The following TTC6 variants were observed in gnomAD, a reference collection of about 807,000 sequenced individuals.
TTC6 encodes the protein tetratricopeptide repeat protein 6.
A neutral mutation model predicts 210.4 loss-of-function variants in TTC6; 172 were observed. That is an observed-to-expected ratio of 0.82 (90% CI 0.72 to 0.93). TTC6 has a LOEUF of 0.93. TTC6 is among the 40% of genes least tolerant of loss of function. TTC6 has a pLI of 0.00. For missense variants in TTC6, 2,414 were observed against 2,318.1 expected (o/e 1.04, Z -0.85); for synonymous variants, 804 against 819.6 (o/e 0.98, Z 0.32).
intron 1 of TTC6, among the ~76,000 whole-genome samples, chr14:37,596,970 T>G (rs972383523): frequency 6.6e-6 from 1 of 150,472 alleles, no homozygotes; most frequent in Admixed American, 6.6e-5. Flanking sequence ...GATGTGCAGT[T>G]AAGGAAATAA....
intron 10 of TTC6, among the ~76,000 whole-genome samples, chr14:37,741,989 C>T (rs1429490912): frequency 6.6e-6 from 1 of 152,076 alleles, no homozygotes; most frequent in African/African-American, 2.4e-5. Flanking sequence ...GCTGGCTGAC[C>T]CACAGTGACC....
intron 26 of TTC6, among the ~76,000 whole-genome samples, chr14:37,818,096 T>C (rs2096146562): frequency 6.6e-6 from 1 of 152,130 alleles, no homozygotes; most frequent in Admixed American, 6.6e-5. Context: ...TTTAAGATAA[T>C]TTTGCATTTA....
intron 24 of TTC6, among the ~76,000 whole-genome samples, chr14:37,811,412 A>G (rs1198050499): frequency 6.6e-6 from 1 of 152,182 alleles, no homozygotes; most frequent in Non-Finnish European, 1.5e-5. Flanking sequence ...TTGAGCACGC[A>G]ACATTAGGAA....
At chr14:37,634,515 C>A (rs534761857) in intron 1 of TTC6, among the ~76,000 whole-genome samples, 197 of 152,182 alleles carry the variant, frequency 1.3e-3, no homozygotes, top group Middle Eastern at 3.4e-3. Context: ...AACTTGGTGT[C>A]ATCATAGTCC....
intron 14 of TTC6, among the ~76,000 whole-genome samples, chr14:37,786,682 T>A (rs779105212): frequency 1.3e-5 from 2 of 152,176 alleles, no homozygotes; most frequent in African/African-American, 2.4e-5. Flanking sequence ...GGTACCTCAG[T>A]TGGAAATGCA....
intron 1 of TTC6, among the ~76,000 whole-genome samples, chr14:37,636,008 A>G (rs1595043624): frequency 6.6e-6 from 1 of 151,520 alleles, no homozygotes; most frequent in Admixed American, 6.6e-5. Flanking sequence ...AAAGAAAAAA[A>G]AAAGAAAATT....
chr14:37,720,051 A>T (rs1043823190), intron 6 of TTC6, among the ~76,000 whole-genome samples: 15 of 152,222 alleles, frequency 9.9e-5, no homozygotes, highest in Non-Finnish European at 2.2e-4. Context: ...ACATTTCACC[A>T]CATAGGATAT....
At chr14:37,760,816 A>G (rs1171124880) in intron 14 of TTC6, among the ~76,000 whole-genome samples, 1 of 152,172 alleles carries the variant, frequency 6.6e-6, no homozygotes, top group Admixed American at 6.5e-5. Context: ...TAGCACTATC[A>G]GGGGAAAACC....
chr14:37,761,378 G>A (rs2095984088), intron 14 of TTC6, among the ~76,000 whole-genome samples: 1 of 151,920 alleles, frequency 6.6e-6, no homozygotes, highest in East Asian at 2.0e-4. Flanking sequence ...AGTGGGAAAT[G>A]CAGAAATCAC....
At chr14:37,744,636 A>C (rs2095930564) in intron 10 of TTC6, among the ~76,000 whole-genome samples, 1 of 152,208 alleles carries the variant, frequency 6.6e-6, no homozygotes, top group Non-Finnish European at 1.5e-5. Flanking sequence ...CTTGCAGGCC[A>C]GAGTAAATTT....
intron 2 of TTC6, among the ~76,000 whole-genome samples, chr14:37,681,203 C>T (rs2095782752): frequency 6.6e-6 from 1 of 152,112 alleles, no homozygotes; most frequent in African/African-American, 2.4e-5. Context: ...GGGTAGCTGC[C>T]TCTAGTTGAC....
chr14:37,675,073 G>A (rs1366908128), intron 1 of TTC6, among the ~76,000 whole-genome samples: 4 of 151,704 alleles, frequency 2.6e-5, no homozygotes, highest in Non-Finnish European at 5.9e-5. Flanking sequence ...TTTACACTGA[G>A]GTGAATTCAT....
chr14:37,752,734 T>C (rs930783104), intron 13 of TTC6, among the ~76,000 whole-genome samples: 1 of 152,142 alleles, frequency 6.6e-6, no homozygotes, highest in Non-Finnish European at 1.5e-5. Flanking sequence ...TGAATCAGCC[T>C]TGATGTAGTC....
chr14:37,721,847 C>CATATATATATATATATATATATATATAT (rs35265224), intron 6 of TTC6, among the ~76,000 whole-genome samples: 4 of 117,264 alleles, frequency 3.4e-5, no homozygotes, highest in Non-Finnish European at 7.1e-5. Flanking sequence ...TGAGTTTCAC[C>CATATATATATATATATATATATATATAT]ATATATATAT....
chr14:37,756,278 A>G (rs934404258), intron 14 of TTC6, among the ~76,000 whole-genome samples: 3 of 152,176 alleles, frequency 2.0e-5, no homozygotes, highest in Non-Finnish European at 2.9e-5. Context: ...TAAATATACA[A>G]TCATGTCGTC....
intron 30 of TTC6, 48 bp downstream of exon 32, chr14:37,841,718 T>A (rs2096210608): frequency 7.1e-7 from 1 of 1,415,588 alleles, no homozygotes; most frequent in Non-Finnish European, 9.7e-7. Flanking sequence ...GTTGAAGTGA[T>A]TATTTTTAGG....
At chr14:37,644,075 A>C (rs1041217216) in intron 1 of TTC6, among the ~76,000 whole-genome samples, 2 of 152,218 alleles carry the variant, frequency 1.3e-5, no homozygotes, top group African/African-American at 4.8e-5. Flanking sequence ...AATTCATATC[A>C]GCTGTCGCTA....
At chr14:37,597,918 T>C (rs1344223163) in intron 1 of TTC6, among the ~76,000 whole-genome samples, 2 of 152,134 alleles carry the variant, frequency 1.3e-5, no homozygotes, top group Non-Finnish European at 2.9e-5. Context: ...AGTGGCCGCA[T>C]TGCAAGATAC....
At chr14:37,613,101 A>T (rs2095637230) in intron 2 of TTC6, among the ~76,000 whole-genome samples, 1 of 152,124 alleles carries the variant, frequency 6.6e-6, no homozygotes, top group East Asian at 1.9e-4. Flanking sequence ...TTAGCTGTAA[A>T]TTTTTTGAGG....
Sources: gnomAD v4.1 joint callset for allele counts (sites outside exome capture counted in the v4.1 genomes callset) on GRCh38, gnomAD v4.1.1 for gene constraint, MANE v1.5 for transcripts, NCBI Gene and HGNC (gene_info 2026-07-23, HGNC 2026-07-21) for gene names.